ZCWPW2: variants seen among roughly 807,000 people sequenced by gnomAD.
ZCWPW2 encodes the protein zinc finger CW-type and PWWP domain containing 2.
Under a neutral mutation model 46.6 loss-of-function variants are expected in ZCWPW2, and 45 were observed. That is an observed-to-expected ratio of 0.96 (90% CI 0.76 to 1.24). The LOEUF (loss-of-function observed/expected upper bound fraction) is 1.24, where lower values mean the gene tolerates loss of function less well. Among genes scored for constraint, ZCWPW2 ranks in the 50% most tolerant of loss-of-function variants. ZCWPW2 has a pLI of 0.00. For synonymous variants in ZCWPW2, 152 were observed against 137.1 expected, an observed-to-expected ratio of 1.11 and a Z score of -0.76; for missense variants, 429 against 403.9, an observed-to-expected ratio of 1.06 and a Z score of -0.53.
At chr3:28,505,709 C>A (rs1367002940) in intron 6 of ZCWPW2, among the ~76,000 whole-genome samples, 1 of 151,988 alleles carries the variant, frequency 6.6e-6, no homozygotes, top group Non-Finnish European at 1.5e-5. Flanking sequence ...GTACATTATT[C>A]AAAGCACACA....
chr3:28,461,269 C>A (rs576018122), intron 4 of ZCWPW2, among the ~76,000 whole-genome samples: 2 of 152,088 alleles, frequency 1.3e-5, no homozygotes, highest in South Asian at 4.2e-4. Flanking sequence ...TTCTCCCACC[C>A]CCCAGATTGG....
intron 4 of ZCWPW2, among the ~76,000 whole-genome samples, chr3:28,451,320 A>T (rs1361788670): frequency 2.6e-5 from 4 of 152,362 alleles, no homozygotes; most frequent in Middle Eastern, 3.4e-3. Flanking sequence ...ACGGAGACTC[A>T]GCCTACATGT....
At chr3:28,368,939 A>C (rs1013512501) in intron 1 of ZCWPW2, among the ~76,000 whole-genome samples, 4 of 152,000 alleles carry the variant, frequency 2.6e-5, no homozygotes, top group Admixed American at 2.6e-4. Context: ...CCTTTCTTCC[A>C]GTTGATCAAA....
intron 5 of ZCWPW2, among the ~76,000 whole-genome samples, chr3:28,491,756 T>G (rs1171235367): frequency 6.6e-6 from 1 of 151,984 alleles, no homozygotes; most frequent in Non-Finnish European, 1.5e-5. Context: ...CAGCATATAA[T>G]AGATAGATAT....
intron 1 of ZCWPW2, among the ~76,000 whole-genome samples, chr3:28,383,289 A>G (rs1384435738): frequency 6.8e-6 from 1 of 146,838 alleles, no homozygotes; most frequent in African/African-American, 2.4e-5. Flanking sequence ...TAGCTAATAC[A>G]CTCTATTAAA....
intron 4 of ZCWPW2, among the ~76,000 whole-genome samples, chr3:28,447,139 A>G (rs1021388391): frequency 1.3e-5 from 2 of 152,152 alleles, no homozygotes; most frequent in Admixed American, 6.6e-5. Context: ...AGGAGGGCAC[A>G]CTTCCTAACT....
chr3:28,522,896 C>T lies in ZCWPW2; in HGVS notation c.910-1631C>T, dbSNP rs553571668. 2.4e-4 allele frequency among the ~76,000 whole-genome samples: 37 copies of T among 152,130 alleles called. No homozygotes were observed. In the East Asian group the frequency reaches 6.8e-3, roughly 28 times the overall value. ...TTTTTCAGCAAATGTGTGTTTTATT[C>T]GAATACCATATGGTTTTGTGCAGTG... is the stretch of plus-strand genomic sequence containing the variant. On this transcript the variant is annotated intron_variant, in intron 9 of 9. Coordinates refer to ENST00000383768, the MANE Select transcript of ZCWPW2 (RefSeq NM_001040432.4).
At chr3:28,428,985 A>G (rs1346640329) in intron 3 of ZCWPW2, among the ~76,000 whole-genome samples, 4 of 152,198 alleles carry the variant, frequency 2.6e-5, no homozygotes, top group African/African-American at 7.2e-5. Context: ...ATGACAACAG[A>G]CTAATACAGG....
At chr3:28,404,910 A>T (rs982911158) in intron 2 of ZCWPW2, among the ~76,000 whole-genome samples, 2 of 152,200 alleles carry the variant, frequency 1.3e-5, no homozygotes, top group Non-Finnish European at 2.9e-5. Flanking sequence ...GGGACAAAAG[A>T]CTACAAATAG....
intron 4 of ZCWPW2, among the ~76,000 whole-genome samples, chr3:28,450,462 A>G (rs955306196): frequency 3.9e-5 from 6 of 152,212 alleles, no homozygotes; most frequent in African/African-American, 9.7e-5. Flanking sequence ...AAGTTGATCA[A>G]CCAGCTTGTA....
chr3:28,482,868 G>GT (rs1699477652), intron 5 of ZCWPW2, among the ~76,000 whole-genome samples: 1 of 151,984 alleles, frequency 6.6e-6, no homozygotes, highest in Non-Finnish European at 1.5e-5. Context: ...TGCTGCAGAG[G>GT]TTTTAAGAGT....
Position 28,438,604 on chromosome 3 carries a change from T to A in ZCWPW2, c.492+3335T>A, listed in dbSNP as rs145180879. ...CAAACTTACCACATTATTAGACTTA[T>A]ATGTCCAGTTTTCAACAAAAATTCA... On this transcript the variant is annotated intron_variant, in intron 4 of 9. Coordinates refer to ENST00000383768, the MANE Select transcript of ZCWPW2 (RefSeq NM_001040432.4). 2.5e-3 allele frequency among the ~76,000 whole-genome samples: 387 copies of A among 152,288 alleles called. 1 individual carries two copies. The highest frequency in any genetic ancestry group is 8.4e-3 in the African/African-American group (351 of 41,560).
At chr3:28,404,208 AG>A (rs1374209733) in intron 2 of ZCWPW2, among the ~76,000 whole-genome samples, 3 of 152,172 alleles carry the variant, frequency 2.0e-5, no homozygotes, top group Non-Finnish European at 4.4e-5. Flanking sequence ...AACATCAAAA[AG>A]TGGCCTAAGG....
chr3:28,506,234 G>A (rs1280984658), intron 6 of ZCWPW2, among the ~76,000 whole-genome samples: 5 of 151,626 alleles, frequency 3.3e-5, no homozygotes. Context: ...GACACCTAGT[G>A]TTATATTTGT....
intron 4 of ZCWPW2, among the ~76,000 whole-genome samples, chr3:28,446,915 G>A (rs1698015705): frequency 6.6e-6 from 1 of 152,024 alleles, no homozygotes; most frequent in South Asian, 2.1e-4. Context: ...GGATAACCTA[G>A]ACAAAATGGA....
chr3:28,427,859 G>GA (rs1697080517), intron 3 of ZCWPW2: 1 of 152,150 alleles, frequency 6.6e-6, no homozygotes, highest in African/African-American at 2.4e-5. Context: ...AATCCTTTTA[G>GA]AAATTTTAAA....
At chr3:28,391,531 T>C (rs1481505093) in intron 2 of ZCWPW2, among the ~76,000 whole-genome samples, 2 of 152,172 alleles carry the variant, frequency 1.3e-5, no homozygotes, top group African/African-American at 4.8e-5. Context: ...GAAATGGGCA[T>C]ACCTGAAATG....
intron 2 of ZCWPW2, among the ~76,000 whole-genome samples, chr3:28,410,717 AAGCATC>A (rs949023955): frequency 3.9e-5 from 6 of 152,026 alleles, no homozygotes; most frequent in Non-Finnish European, 8.8e-5. Context: ...TGAATTAACT[AAGCATC>A]AACTTAAGAA....
At chr3:28,520,554 C>G (rs1464108626) in intron 8 of ZCWPW2, among the ~76,000 whole-genome samples, 2 of 152,122 alleles carry the variant, frequency 1.3e-5, no homozygotes, top group Non-Finnish European at 2.9e-5. Context: ...ATGTACATGT[C>G]AATGGTTTGT....
Sources: allele counts gnomAD v4.1 joint callset (sites outside exome capture counted in the v4.1 genomes callset), GRCh38; gene constraint gnomAD v4.1.1; transcripts MANE v1.5; gene names NCBI Gene and HGNC (gene_info 2026-07-23, HGNC 2026-07-21).